Variants in KLHL22 observed in about 807,000 individuals in gnomAD.
The protein encoded by KLHL22 is kelch-like protein 22.
Under a neutral mutation model 60.7 loss-of-function variants are expected in KLHL22, and 18 were observed. That is an observed-to-expected ratio of 0.30 (90% confidence interval 0.20 to 0.44). KLHL22 has a LOEUF of 0.44. Among genes scored for constraint, KLHL22 ranks in the 20% least tolerant of loss-of-function variants. The probability of loss-of-function intolerance (pLI) is 1.00; values close to 1 mark genes in which losing one functional copy is unlikely to be tolerated. For synonymous variants in KLHL22, 355 were observed against 354.5 expected (o/e 1.00, Z -0.01); for missense variants, 596 against 852.3 (o/e 0.70, Z 3.74).
At chr22:20,460,534 G>A (rs1052430705) in intron 4 of KLHL22, among the ~76,000 whole-genome samples, 9 of 134,348 alleles carry the variant, frequency 6.7e-5, no homozygotes, top group African/African-American at 8.3e-5. Context: ...ACTTGAACCC[G>A]GGAGGCAGAA....
At chr22:20,458,188 G>A (rs999601024) in intron 4 of KLHL22, among the ~76,000 whole-genome samples, 188 bp from the exon 5 acceptor site, 2 of 151,902 alleles carry the variant, frequency 1.3e-5, no homozygotes, top group African/African-American at 4.8e-5. Context: ...CTGAGCACAG[G>A]TGCTCCCCAC....
intron 2 of KLHL22, chr22:20,484,082 G>A: frequency 1.0e-6 from 1 of 972,854 alleles, no homozygotes; most frequent in Non-Finnish European, 1.6e-6. Context: ...TGGTGGAGAA[G>A]GTAGAGCGAG....
At chr22:20,488,652 A>ATGG in intron 2 of KLHL22, 8 of 247,616 alleles carry the variant, frequency 3.2e-5, no homozygotes, top group Non-Finnish European at 5.3e-5. Flanking sequence ...ATACACAGCA[A>ATGG]TAATTACTGA....
chr22:20,465,086 G>A lies in KLHL22; in HGVS notation c.884C>T (p.Ser295Leu), dbSNP rs1234307559. Reference protein sequence around the residue: ...SLQSPQTELRSDFQCVVGFGG... With the variant: ...SLQSPQTELRLDFQCVVGFGG... ...GAAGCCCACAACGCACTGGAAGTCC[G>A]ACCGCAGCTCCGTTTGCGGGCTCTG... Residue 295 changes from serine (S) to leucine (L), a missense_variant, in exon 4 of 7, where the codon TCG becomes TTG. Coordinates refer to ENST00000328879, the MANE Select transcript of KLHL22 (RefSeq NM_032775.4). The surrounding 1 kb of genome is among the most constrained non-coding windows in gnomAD (Gnocchi z 4.9). 8 of 1,613,458 alleles carry A rather than the reference G, an allele frequency of 5.0e-6. No individual in the cohort carries two copies. Among genetic ancestry groups the A allele is most frequent in the East Asian group, 2.2e-5 (1 of 44,884 alleles).
At position 20,441,585 on chromosome 22, in the gene KLHL22, C is replaced by A; in HGVS notation, c.*488G>T. On this transcript the variant is annotated 3_prime_UTR_variant, in exon 7 of 7. Transcript: ENST00000328879. Reference sequence around the variant, plus strand: ...AACAACATGGGGTCTGAAAACCCAGCGGGAGGGGTCTTTTTATCACAGAGC... The same window carrying A: ...AACAACATGGGGTCTGAAAACCCAGAGGGAGGGGTCTTTTTATCACAGAGC... The A allele has an allele frequency of 5.7e-6, 1 of 174,430 alleles. No individual in the cohort carries two copies. Among genetic ancestry groups the A allele is most frequent in the Middle Eastern group, 5.1e-4 (1 of 1,948 alleles). The allele number at this position is 174,430 out of a possible 1,614,324, so 10.8% of individuals were successfully genotyped here.
intron 2 of KLHL22, among the ~76,000 whole-genome samples, chr22:20,479,226 A>T (rs1341407392): frequency 6.6e-6 from 1 of 152,012 alleles, no homozygotes; most frequent in Non-Finnish European, 1.5e-5. Flanking sequence ...GACTATAGGC[A>T]TGCACCATCA....
intron 1 of KLHL22, chr22:20,489,765 G>C (rs1323184501): frequency 2.1e-6 from 1 of 471,070 alleles, no homozygotes; most frequent in Non-Finnish European, 4.4e-6. Context: ...AAAATGGCAA[G>C]ACCTGAGTAG....
intron 4 of KLHL22, among the ~76,000 whole-genome samples, chr22:20,462,521 A>AT (rs558617516): frequency 0.091 from 12,258 of 134,704 alleles, 1,803 homozygotes; most frequent in African/African-American, 0.31. Flanking sequence ...GGCCCAGCTA[A>AT]TTTTTTTTTT....
chr22:20,461,371 G>A (rs1221336001), intron 4 of KLHL22, among the ~76,000 whole-genome samples: 1 of 151,700 alleles, frequency 6.6e-6, no homozygotes, highest in East Asian at 2.0e-4. Flanking sequence ...GGCTAACACG[G>A]TGAAACCCCG....
chr22:20,442,101 T>C lies in KLHL22; in HGVS notation c.1877A>G (p.Glu626Gly). 6.6e-7 allele frequency: 1 copy of C among 1,508,770 alleles called. No homozygotes were observed. Among genetic ancestry groups the C allele is most frequent in the South Asian group, 1.3e-5 (1 of 74,392 alleles). The allele number at this position is 1,508,770 out of a possible 1,614,324, so 93.5% of individuals were successfully genotyped here. ...ASEVMSVSDW[E>G]EFDNSSED ...GTCCTCACTGGAGTTGTCAAACTCCTCCCAGTCAGACACACTCATCACCTC... is the reference window on the plus strand; with the variant it reads ...GTCCTCACTGGAGTTGTCAAACTCCCCCCAGTCAGACACACTCATCACCTC... Residue 626 changes from glutamate to glycine, a missense_variant, in exon 7 of 7, where the codon GAG becomes GGG. By Grantham distance (98) the Glu-to-Gly change is moderately conservative (BLOSUM62 -2). Coordinates refer to ENST00000328879, the MANE Select transcript of KLHL22 (RefSeq NM_032775.4).
intron 2 of KLHL22, among the ~76,000 whole-genome samples, chr22:20,477,473 G>A (rs2053433393): frequency 6.6e-6 from 1 of 152,120 alleles, no homozygotes; most frequent in Non-Finnish European, 1.5e-5. Context: ...GGGCATGGTG[G>A]CACGCATCCA....
chr22:20,459,205 C>T (rs1053057521), intron 4 of KLHL22, among the ~76,000 whole-genome samples: 1 of 152,230 alleles, frequency 6.6e-6, no homozygotes, highest in African/African-American at 2.4e-5. Context: ...CCAAAGAGAA[C>T]AAGTCTAACT....
intron 5 of KLHL22, chr22:20,456,317 T>C (rs2053061603): frequency 6.6e-6 from 1 of 152,252 alleles, no homozygotes; most frequent in Non-Finnish European, 1.5e-5. Context: ...TCTCATTTCT[T>C]GTCACCACTG....
chr22:20,490,485 A>C (rs2053667609), intron 1 of KLHL22, among the ~76,000 whole-genome samples: 1 of 152,196 alleles, frequency 6.6e-6, no homozygotes, highest in African/African-American at 2.4e-5. Flanking sequence ...CAACAAACAC[A>C]GGAGACTTCT....
At chr22:20,464,791 T>C (rs2053205139) in intron 4 of KLHL22, 67 bp downstream of exon 4, 7 of 1,002,812 alleles carry the variant, frequency 7.0e-6, no homozygotes, top group Non-Finnish European at 1.0e-5. Context: ...ACCAGCTCTC[T>C]CAGCCCATGA....
At chr22:20,454,982 C>T (rs1360288934) in intron 5 of KLHL22, among the ~76,000 whole-genome samples, 8 of 152,036 alleles carry the variant, frequency 5.3e-5, no homozygotes, top group East Asian at 1.9e-4. Context: ...CCCGGGTTCA[C>T]GCCATTCTCC....
intron 3 of KLHL22, among the ~76,000 whole-genome samples, chr22:20,469,747 C>T (rs570495605): frequency 9.5e-5 from 14 of 147,290 alleles, no homozygotes; most frequent in African/African-American, 3.5e-4. Context: ...CACATGCCCC[C>T]GAACAGGTTG....
rs375336935 is a variant in KLHL22 at position 20,467,807 on chromosome 22, C to T, written c.394-2231G>A. Reference sequence around the variant, plus strand: ...CCAAGTAGCTGGGACAACAGACGCCCGCCACCACGCCCGGCTAATTTTTTG... The same window carrying T: ...CCAAGTAGCTGGGACAACAGACGCCTGCCACCACGCCCGGCTAATTTTTTG... On this transcript the variant is annotated intron_variant, in intron 3 of 6. Transcript: ENST00000328879. Among the ~76,000 whole-genome samples the T allele has an allele frequency of 5.9e-5, 9 of 152,230 alleles. No individual in the cohort carries two copies. The East Asian group carries it at 7.7e-4, about 13-fold the overall frequency.
In KLHL22 at chr22:20,489,028, C is replaced by G. The variant is rs141003390; in HGVS notation, c.184G>C (p.Glu62Gln). Residue 62 changes from glutamate to glutamine, a missense_variant, in exon 2 of 7, where the codon GAG (glutamate) becomes CAG (glutamine). Coordinates refer to ENST00000328879, the MANE Select transcript of KLHL22 (RefSeq NM_032775.4). ...GCAGCCAGCAGGATGCGATGGGCCT[C>G]GATGTGTCTGCCCTCCACCACCAGC... ...VVLVVEGRHI[E>Q]AHRILLAASC... The G allele has an allele frequency of 7.7e-4, 1,250 of 1,614,038 alleles. No homozygotes were observed. Among genetic ancestry groups the G allele is most frequent in the Non-Finnish European group, 9.3e-4 (1,097 of 1,180,042 alleles).
Sources: allele counts gnomAD v4.1 joint callset (sites outside exome capture counted in the v4.1 genomes callset), GRCh38; gene constraint gnomAD v4.1.1; non-coding constraint Gnocchi (gnomAD v3.1); transcripts MANE v1.5; gene names NCBI Gene and HGNC (gene_info 2026-07-23, HGNC 2026-07-21).